Variants in VAMP1 observed in about 807,000 individuals in gnomAD.
The protein encoded by VAMP1 is vesicle-associated membrane protein 1.
VAMP1 carries 16 observed loss-of-function variants against 19.1 expected under a neutral mutation model. The ratio of observed to expected loss-of-function variants is 0.84; its 90% CI spans 0.57 to 1.27. The LOEUF (loss-of-function observed/expected upper bound fraction) is 1.27. Among genes scored for constraint, VAMP1 ranks in the 50% most tolerant of loss-of-function variants. VAMP1 has a pLI of 0.00. For synonymous variants in VAMP1, 37 were observed against 50.2 expected (o/e 0.74, Z 1.11); for missense variants, 109 against 145.4 (o/e 0.75, Z 1.29).
Position 6,464,171 on chromosome 12 carries a change from C to A in VAMP1, c.*299G>T. On this transcript the variant is annotated 3_prime_UTR_variant, in exon 5 of 5. Coordinates refer to ENST00000396308, the MANE Select transcript of VAMP1 (RefSeq NM_014231.5). ...GCCTCAGCCACTCCCCTCCCTGCCC[C>A]TTCCCTTGGCCTCCAACTCTTTGGG... 6.9e-7 allele frequency: 1 copy of A among 1,443,048 alleles called. No individual in the cohort carries two copies. Among genetic ancestry groups the A allele is most frequent in the Non-Finnish European group, 9.2e-7 (1 of 1,087,204 alleles). 89.4% of individuals were successfully genotyped at this position (1,443,048 alleles called of 1,614,324 possible). A position where few individuals can be genotyped will look rare whatever the true frequency, so the allele number is the denominator to read the frequency against.
In VAMP1 at chr12:6,465,411, T is replaced by TATATAC. The variant is rs1555130224; in HGVS notation, c.288+430_288+431insGTATAT. ...GTATATATATATATAAATGTATATA[T>TATATAC]ATGTATATATATATATAAATGTATA... On this transcript the variant is annotated intron_variant, in intron 3 of 4. Coordinates refer to ENST00000396308, the MANE Select transcript of VAMP1 (RefSeq NM_014231.5). 1.7e-4 allele frequency: 12 copies of TATATAC among 70,328 alleles called. 1 individual carries two copies. Among genetic ancestry groups the TATATAC allele is most frequent in the African/African-American group, 5.4e-4 (12 of 22,214 alleles). 4.4% of individuals were successfully genotyped at this position (70,328 alleles called of 1,614,324 possible).
Position 6,463,236 on chromosome 12 carries a change from G to A in VAMP1, c.*1234C>T. On this transcript the variant is annotated 3_prime_UTR_variant, in exon 5 of 5. Transcript: ENST00000396308. This position sits in a 1 kb window ranked among gnomAD's most constrained non-coding sequence, Gnocchi z 4.0. The stretch of plus-strand genomic sequence containing the variant: ...TGGTTCAAAGGGGAATATACTACAG[G>A]AAGAACAGAGAGGCGGCTCTCAAGG... 1 of 1,394,654 alleles carries A rather than the reference G, an allele frequency of 7.2e-7. No individual in the cohort carries two copies. Among genetic ancestry groups the A allele is most frequent in the South Asian group, 1.6e-5 (1 of 63,784 alleles). The allele number at this position is 1,394,654 out of a possible 1,614,324, so 86.4% of individuals were successfully genotyped here.
Position 6,462,849 on chromosome 12 carries a change from C to A in VAMP1, c.*1621G>T. On this transcript the variant is annotated 3_prime_UTR_variant, in exon 5 of 5. Coordinates refer to ENST00000396308, the MANE Select transcript of VAMP1 (RefSeq NM_014231.5). The stretch of plus-strand genomic sequence containing the variant: ...CCAGCTCTTCAGTCCCGCCCTTGGG[C>A]AGGACGAAGGGAATGTGGGAAACAA... 3 of 1,606,096 alleles carry A rather than the reference C, an allele frequency of 1.9e-6. No individual in the cohort carries two copies. Among genetic ancestry groups the A allele is most frequent in the Non-Finnish European group, 2.6e-6 (3 of 1,176,162 alleles).
At position 6,463,320 on chromosome 12, in the gene VAMP1, TC is replaced by T; in HGVS notation, c.*1149del. On this transcript the variant is annotated 3_prime_UTR_variant, in exon 5 of 5. Transcript: ENST00000396308. The surrounding 1 kb of genome is among the most constrained non-coding windows in gnomAD (Gnocchi z 4.0). ...CACACCTGACACAGGCTGGCACGCCTCCCCCCAAGGTGGGGCTGGTGGGTCT... is the reference window on the plus strand; with the variant it reads ...CACACCTGACACAGGCTGGCACGCCTCCCCCAAGGTGGGGCTGGTGGGTCT... The T allele has an allele frequency of 1.7e-6, 2 of 1,181,868 alleles. No homozygotes were observed. Among genetic ancestry groups the T allele is most frequent in the Non-Finnish European group, 2.1e-6 (2 of 948,982 alleles). 73.2% of individuals were successfully genotyped at this position (1,181,868 alleles called of 1,614,324 possible). A position where few individuals can be genotyped will look rare whatever the true frequency, so the allele number is the denominator to read the frequency against.
chr12:6,468,298 G>A (rs956047135), intron 1 of VAMP1, among the ~76,000 whole-genome samples: 2 of 152,170 alleles, frequency 1.3e-5, no homozygotes, highest in African/African-American at 4.8e-5. Flanking sequence ...ATGGTTATTG[G>A]TTTATATGCC....
Position 6,463,419 on chromosome 12 carries a change from A to C in VAMP1, c.*1051T>G. The C allele has an allele frequency of 9.5e-7, 1 of 1,056,130 alleles. No homozygotes were observed. Among genetic ancestry groups the C allele is most frequent in the Non-Finnish European group, 1.1e-6 (1 of 871,724 alleles). 65.4% of individuals were successfully genotyped at this position (1,056,130 alleles called of 1,614,324 possible). On this transcript the variant is annotated 3_prime_UTR_variant, in exon 5 of 5. Coordinates refer to ENST00000396308, the MANE Select transcript of VAMP1 (RefSeq NM_014231.5). This position sits in a 1 kb window ranked among gnomAD's most constrained non-coding sequence, Gnocchi z 4.0. ...CACTTGCCTCATCCCTGTCTTTGGC[A>C]AGTGCACGGGTGGTGTGGAGGAAAG...
In VAMP1 at chr12:6,462,284, CAT is replaced by C; in HGVS notation, c.*2184_*2185del. ...TTTTGCCTTTGTTCAGAATACATGA[CAT>C]TGGTAAATATGCCACATGCCTTTGG... is the stretch of plus-strand genomic sequence containing the variant. On this transcript the variant is annotated 3_prime_UTR_variant, in exon 5 of 5. Transcript: ENST00000396308. The C allele has an allele frequency of 1.5e-6, 1 of 670,738 alleles. No individual in the cohort carries two copies. The highest frequency in any genetic ancestry group is 2.0e-5 in the South Asian group (1 of 50,728). 41.5% of individuals were successfully genotyped at this position (670,738 alleles called of 1,614,324 possible).
chr12:6,470,413 G>A (rs1303567522), intron 1 of VAMP1, 117 bp downstream of exon 1: 3 of 1,482,952 alleles, frequency 2.0e-6, no homozygotes, highest in South Asian at 2.3e-5. Context: ...GCGCGCGGTG[G>A]TAGTTCCCCG....
At chr12:6,465,383 T>TGTATATATATATATAA (rs1555130169) in intron 3 of VAMP1, 3 of 87,392 alleles carry the variant, frequency 3.4e-5, no homozygotes, top group Non-Finnish European at 4.8e-5. Context: ...AATGTATATA[T>TGTATATATATATATAA]ATGTATATAT....
rs1410443787 is a variant in VAMP1 at position 6,470,602 on chromosome 12, G to A, written c.-71C>T. 6 of 1,601,054 alleles carry A rather than the reference G, an allele frequency of 3.7e-6. No individual in the cohort carries two copies. Among genetic ancestry groups the A allele is most frequent in the Non-Finnish European group, 5.1e-6 (6 of 1,169,950 alleles). On this transcript the variant is annotated 5_prime_UTR_variant, in exon 1 of 5. Transcript: ENST00000396308. ...GGCGAGACACCCGGTGAGGGACGCT[G>A]CGGCTGAAGTGGACGGAACTGCCAA...
In VAMP1 at chr12:6,464,126, G is replaced by A; in HGVS notation, c.*344C>T. 1.5e-6 allele frequency: 2 copies of A among 1,355,676 alleles called. No homozygotes were observed. The highest frequency in any genetic ancestry group is 1.9e-6 in the Non-Finnish European group (2 of 1,031,818). The allele number at this position is 1,355,676 out of a possible 1,614,324, so 84.0% of individuals were successfully genotyped here. A position where few individuals can be genotyped will look rare whatever the true frequency, so the allele number is the denominator to read the frequency against. On this transcript the variant is annotated 3_prime_UTR_variant, in exon 5 of 5. Transcript: ENST00000396308. ...CGATACTCTTCTCCTCCCAAGTCTG[G>A]GCAGCTTCATGGGTACTTCGCCTCA...
chr12:6,465,416 A>ATATATATATAAATGTATATATATG (rs1565526280), intron 3 of VAMP1: 8 of 93,452 alleles, frequency 8.6e-5, no homozygotes, highest in South Asian at 3.5e-4. Flanking sequence ...ATATATATGT[A>ATATATATATAAATGTATATATATG]TATATATATA....
chr12:6,467,358 T>C (rs972535319), intron 1 of VAMP1, among the ~76,000 whole-genome samples: 6 of 152,144 alleles, frequency 3.9e-5, no homozygotes, highest in Admixed American at 2.6e-4. Flanking sequence ...TTGACAAAAA[T>C]GCTGTTAGTG....
intron 1 of VAMP1, 142 bp from the exon 2 acceptor site, chr12:6,466,493 G>T: frequency 1.2e-6 from 1 of 830,024 alleles, no homozygotes; most frequent in Non-Finnish European, 1.8e-6. Flanking sequence ...GGCCAGCCTG[G>T]GCATCATAGC....
intron 3 of VAMP1, 54 bp from the exon 4 acceptor site, chr12:6,464,995 A>C (rs1949969843): frequency 6.2e-7 from 1 of 1,609,304 alleles, no homozygotes; most frequent in African/African-American, 1.3e-5. Context: ...TGAGGAAAAG[A>C]GCCACATCTC....
At position 6,466,301 on chromosome 12, in the gene VAMP1, C is replaced by T. The variant is rs1355749642; in HGVS notation, c.53G>A (p.Gly18Asp). The T allele has an allele frequency of 1.2e-6, 2 of 1,614,176 alleles. No homozygotes were observed. Among genetic ancestry groups the T allele is most frequent in the Non-Finnish European group, 1.7e-6 (2 of 1,180,008 alleles). The part of the protein sequence containing the change: ...PAEGTEGTAP[G>D]GGPPGPPPNM... ...AGGAGGAGGGCCAGGGGGACCCCCA[C>T]CTGGGGCAGTCCCTTCTGTCCCTTC... is the stretch of plus-strand genomic sequence containing the variant. The change falls in exon 2 of 5, where the codon GGT becomes GAT. Residue 18 changes from glycine to aspartate, a missense_variant. Physicochemically the swap from Gly to Asp is moderately conservative, Grantham distance 94. Coordinates refer to ENST00000396308, the MANE Select transcript of VAMP1 (RefSeq NM_014231.5).
chr12:6,462,927 A>G lies in VAMP1; in HGVS notation c.*1543T>C. 6.4e-7 allele frequency: 1 copy of G among 1,561,388 alleles called. No homozygotes were observed. The highest frequency in any genetic ancestry group is 1.2e-5 in the South Asian group (1 of 84,664). ...GAGCAATGAAATGCTGCTGCATGGA[A>G]AGTGGGCATCCAGACCCTGCCCAGC... On this transcript the variant is annotated 3_prime_UTR_variant, in exon 5 of 5. Transcript: ENST00000396308.
intron 2 of VAMP1, 102 bp downstream of exon 2, chr12:6,466,122 CT>C: frequency 6.2e-7 from 1 of 1,611,314 alleles, no homozygotes; most frequent in Non-Finnish European, 8.5e-7. Flanking sequence ...CTCTCAGGGC[CT>C]TTGACTATTC....
chr12:6,465,372 A>ACGT (rs56993379), intron 3 of VAMP1: 1 of 111,902 alleles, frequency 8.9e-6, no homozygotes, highest in South Asian at 1.1e-4. Flanking sequence ...ATATATATAT[A>ACGT]AATGTATATA....
Sources: gnomAD v4.1 joint callset for allele counts (sites outside exome capture counted in the v4.1 genomes callset) on GRCh38, gnomAD v4.1.1 for gene constraint, Gnocchi (gnomAD v3.1) non-coding constraint, MANE v1.5 for transcripts, NCBI Gene and HGNC (gene_info 2026-07-23, HGNC 2026-07-21) for gene names.